Variants in WWOX observed in about 807,000 individuals in gnomAD.
The protein encoded by WWOX is WW domain containing oxidoreductase.
In WWOX, 69 loss-of-function variants were observed where a neutral mutation model predicts 46.2. The observed-to-expected ratio is 1.49, with a 90% confidence interval of 1.23 to 1.82. The LOEUF is 1.82. Among genes scored for constraint, WWOX ranks in the 40% most tolerant of loss-of-function variants. The probability of loss-of-function intolerance (pLI) is 0.00; values close to 1 mark genes in which losing one functional copy is unlikely to be tolerated. For missense variants in WWOX, 919 were observed against 542.6 expected (o/e 1.69, Z -6.89); for synonymous variants, 359 against 202.6 (o/e 1.77, Z -6.56).
intron 5 of WWOX, among the ~76,000 whole-genome samples, chr16:78,196,069 C>A (rs1035658358): frequency 2.0e-5 from 3 of 152,008 alleles, no homozygotes; most frequent in African/African-American, 7.2e-5. Flanking sequence ...CCCACTTAAC[C>A]CTTTGTTTTA....
intron 8 of WWOX, among the ~76,000 whole-genome samples, chr16:78,755,387 G>A (rs1275997596): frequency 2.6e-5 from 4 of 152,154 alleles, no homozygotes; most frequent in South Asian, 2.1e-4. Flanking sequence ...AGGTAAAGCA[G>A]GCCTTGTTGC....
intron 8 of WWOX, among the ~76,000 whole-genome samples, chr16:78,740,068 C>A (rs1004976758): frequency 5.9e-5 from 9 of 152,144 alleles, no homozygotes; most frequent in Admixed American, 5.9e-4. Flanking sequence ...ACTGTGGTCA[C>A]CTTTGCCACC....
At chr16:78,139,090 G>A (rs1308729755) in intron 4 of WWOX, among the ~76,000 whole-genome samples, 1 of 152,156 alleles carries the variant, frequency 6.6e-6, no homozygotes, top group Non-Finnish European at 1.5e-5. Flanking sequence ...CAGGCTAAAG[G>A]ATGGCAAAGT....
chr16:78,482,517 C>T (rs2084520207), intron 8 of WWOX, among the ~76,000 whole-genome samples: 1 of 152,188 alleles, frequency 6.6e-6, no homozygotes, highest in South Asian at 2.1e-4. Flanking sequence ...GCTGCCTTGC[C>T]TAGCCAAATA....
At chr16:78,427,028 C>A (rs544363824) in intron 7 of WWOX, among the ~76,000 whole-genome samples, 1 of 152,268 alleles carries the variant, frequency 6.6e-6, no homozygotes, top group East Asian at 1.9e-4. Context: ...TGTGTATTAC[C>A]TTCGCATTGC....
At chr16:78,423,924 T>C (rs2083013432) in intron 6 of WWOX, among the ~76,000 whole-genome samples, 1 of 151,856 alleles carries the variant, frequency 6.6e-6, no homozygotes, top group African/African-American at 2.4e-5. Flanking sequence ...TTTAGGCTTC[T>C]TTATAAAATG....
intron 8 of WWOX, among the ~76,000 whole-genome samples, chr16:79,211,402 G>A (rs137970628): frequency 7.9e-5 from 12 of 152,192 alleles, no homozygotes; most frequent in East Asian, 3.9e-4. Flanking sequence ...CTTTACAAGC[G>A]GAGTTTATGA....
chr16:78,531,725 ATG>A (rs1373146024), intron 8 of WWOX, among the ~76,000 whole-genome samples: 3 of 151,910 alleles, frequency 2.0e-5, no homozygotes, highest in Non-Finnish European at 4.4e-5. Context: ...GGTTTAGGTG[ATG>A]TGTGTCTGTA....
intron 8 of WWOX, among the ~76,000 whole-genome samples, chr16:78,461,380 A>T (rs182520751): frequency 0.012 from 1,817 of 152,306 alleles, 37 homozygotes; most frequent in African/African-American, 0.041. Context: ...CAAACAAACA[A>T]ACAAACAAAA....
chr16:78,768,233 A>T (rs986643728), intron 8 of WWOX, among the ~76,000 whole-genome samples: 8 of 145,814 alleles, frequency 5.5e-5, no homozygotes, highest in African/African-American at 1.7e-4. Flanking sequence ...AGTAGAAAAA[A>T]GTTGGAGAGT....
chr16:79,026,614 C>CTTTTTTT (rs748965500), intron 8 of WWOX, among the ~76,000 whole-genome samples: 6 of 101,092 alleles, frequency 5.9e-5, no homozygotes, highest in Non-Finnish European at 9.3e-5. Flanking sequence ...GTGGTAGACT[C>CTTTTTTT]TTTTTTTTTT....
chr16:78,957,201 G>A (rs140030606), intron 8 of WWOX, among the ~76,000 whole-genome samples: 531 of 152,214 alleles, frequency 3.5e-3, no homozygotes, highest in African/African-American at 0.012. Flanking sequence ...GAAATGCAGG[G>A]CACACGACTT....
At chr16:79,058,825 A>G (rs540736369) in intron 8 of WWOX, among the ~76,000 whole-genome samples, 226 of 152,294 alleles carry the variant, frequency 1.5e-3, no homozygotes, top group African/African-American at 1.9e-3. Flanking sequence ...TCAAATTTCA[A>G]TGAAGATTGT....
chr16:78,531,956 T>C (rs947688920), intron 8 of WWOX, among the ~76,000 whole-genome samples: 1 of 151,960 alleles, frequency 6.6e-6, no homozygotes, highest in Admixed American at 6.6e-5. Flanking sequence ...CCCAAAAGGG[T>C]GGGAAATTTT....
intron 8 of WWOX, among the ~76,000 whole-genome samples, chr16:79,103,816 C>G (rs189702846): frequency 3.9e-4 from 60 of 152,222 alleles, no homozygotes; most frequent in Non-Finnish European, 2.9e-5. Flanking sequence ...CCTTCTCAAG[C>G]AAAGGCATCT....
chr16:78,823,180 A>C (rs1015425430), intron 8 of WWOX, among the ~76,000 whole-genome samples: 3 of 152,202 alleles, frequency 2.0e-5, no homozygotes, highest in African/African-American at 7.2e-5. Context: ...AGGTCATTCA[A>C]ATCTAATGGT....
rs1373300484 is a variant in WWOX at position 78,927,720 on chromosome 16, G to C, written c.1057-283888G>C. ...ATTTATTGAGCTTACTTGGTGCCTGGGCTTGTATCTTTTGTTTCTGATTTT... is the reference window on the plus strand; with the variant it reads ...ATTTATTGAGCTTACTTGGTGCCTGCGCTTGTATCTTTTGTTTCTGATTTT... On this transcript the variant is annotated intron_variant, in intron 8 of 8. Transcript: ENST00000566780. Among the ~76,000 whole-genome samples the C allele has an allele frequency of 2.0e-5, 3 of 152,040 alleles. No homozygotes were observed. In the East Asian group the frequency reaches 5.8e-4, roughly 29 times the overall value.
intron 8 of WWOX, among the ~76,000 whole-genome samples, chr16:78,767,896 TG>T (rs2049963165): frequency 6.6e-6 from 1 of 152,190 alleles, no homozygotes. Context: ...CATGGCTTTT[TG>T]GTTCTATTTT....
chr16:78,940,780 C>A (rs960930207), intron 8 of WWOX, among the ~76,000 whole-genome samples: 3 of 144,412 alleles, frequency 2.1e-5, no homozygotes, highest in Admixed American at 7.2e-5. Flanking sequence ...TGTTTGTTAT[C>A]TTATTGTCCT....
Sources: gnomAD v4.1 joint callset for allele counts (sites outside exome capture counted in the v4.1 genomes callset) on GRCh38, gnomAD v4.1.1 for gene constraint, MANE v1.5 for transcripts, NCBI Gene and HGNC (gene_info 2026-07-23, HGNC 2026-07-21) for gene names.